TMBIM1: variants seen among roughly 807,000 people sequenced by gnomAD.
The protein encoded by TMBIM1 is transmembrane BAX inhibitor motif containing 1.
Under a neutral mutation model 45.1 loss-of-function variants are expected in TMBIM1, and 34 were observed. That is an observed-to-expected ratio of 0.75 (90% CI 0.57 to 1.00). The LOEUF is 1.00. TMBIM1 is among the 50% of genes least tolerant of loss of function. TMBIM1 has a pLI of 0.00. For synonymous variants in TMBIM1, 157 were observed against 153.5 expected (o/e 1.02, Z -0.17); for missense variants, 374 against 402.4 (o/e 0.93, Z 0.60).
intron 10 of TMBIM1, among the ~76,000 whole-genome samples, chr2:218,276,575 C>T (rs761656578): frequency 2.0e-4 from 31 of 152,210 alleles, no homozygotes; most frequent in Non-Finnish European, 3.8e-4. Context: ...CTCGTGTCCC[C>T]ATCCTTCCCC....
Position 218,277,084 on chromosome 2 carries a change from A to G in TMBIM1, c.655T>C (p.Cys219Arg). The G allele has an allele frequency of 6.2e-7, 1 of 1,614,196 alleles. No individual in the cohort carries two copies. The highest frequency in any genetic ancestry group is 8.5e-7 in the Non-Finnish European group (1 of 1,180,020). ...CFQTKVDFTS[C>R]TGLFCVLGIV... ...CCCAGGACACAGAAGAGGCCTGTGC[A>G]CGAGGTGAAGTCCACCTGCCAGGAA... Residue 219 changes from cysteine to arginine, a missense_variant, in exon 10 of 12, where the codon TGC becomes CGC. Coordinates refer to ENST00000258412, the MANE Select transcript of TMBIM1 (RefSeq NM_022152.6).
At position 218,275,609 on chromosome 2, in the gene TMBIM1, C is replaced by G; in HGVS notation, c.802G>C (p.Asp268His). The change falls in exon 12 of 12, where the codon GAC becomes CAC. Residue 268 changes from aspartate to histidine, a missense_variant. By Grantham distance (81) the Asp-to-His change is moderately conservative. Coordinates refer to ENST00000258412, the MANE Select transcript of TMBIM1 (RefSeq NM_022152.6). Reference sequence around the variant, plus strand: ...CGGTTCCCCAGGACCAGCTGTGTGTCGTAAGCCAGGAACTGCAAGGATAGG... The same window carrying G: ...CGGTTCCCCAGGACCAGCTGTGTGTGGTAAGCCAGGAACTGCAAGGATAGG... ...AICFTLFLAY[D>H]TQLVLGNRKH... 2 of 1,611,968 alleles carry G rather than the reference C, an allele frequency of 1.2e-6. No homozygotes were observed. The highest frequency in any genetic ancestry group is 1.7e-6 in the Non-Finnish European group (2 of 1,179,246).
At chr2:218,282,208 CGT>C (rs1692094878) in intron 1 of TMBIM1, 27 bp from the exon 2 acceptor site, 1 of 1,296,552 alleles carries the variant, frequency 7.7e-7, no homozygotes, top group East Asian at 2.9e-5. Flanking sequence ...GAAAAGCAAT[CGT>C]GAATGCCCAG....
intron 1 of TMBIM1, among the ~76,000 whole-genome samples, chr2:218,283,740 G>C (rs548273737): frequency 3.9e-5 from 6 of 152,204 alleles, no homozygotes; most frequent in Non-Finnish European, 8.8e-5. Context: ...TCAGAGAGGG[G>C]AAGGTGGCAG....
chr2:218,284,838 C>G (rs1256518274), intron 1 of TMBIM1, among the ~76,000 whole-genome samples: 1 of 152,244 alleles, frequency 6.6e-6, no homozygotes, highest in Non-Finnish European at 1.5e-5. Context: ...CGCCTGTAAT[C>G]TCAACACTTT....
rs143173370 is a variant in TMBIM1, at chr2:218,275,482, C to T, written c.929G>A (p.Arg310His). 23 of 1,612,340 alleles carry T rather than the reference C, an allele frequency of 1.4e-5. No homozygotes were observed. In the East Asian group the frequency reaches 3.8e-4, roughly 27 times the overall value. ...FTFVLQLMGD[R>H]N ...AAAATGGGGGCTTGCTCCTTAATTG[C>T]GATCCCCCATCAGCTGCAGCACAAA... The change falls in exon 12 of 12, where the codon CGC becomes CAC. Residue 310 changes from arginine (R) to histidine (H), a missense_variant. By Grantham distance (29) the Arg-to-His change is conservative. Coordinates refer to ENST00000258412, the MANE Select transcript of TMBIM1 (RefSeq NM_022152.6).
chr2:218,284,562 T>C (rs11687568), intron 1 of TMBIM1, among the ~76,000 whole-genome samples: 148,907 of 152,366 alleles, frequency 0.98, 72,832 homozygotes, highest in East Asian at 1. Flanking sequence ...CTCCTGCCTC[T>C]CTTGCCCCTC....
At position 218,277,623 on chromosome 2, in the gene TMBIM1, C is replaced by G. The variant is rs1202641312; in HGVS notation, c.551+10G>C. 6.2e-7 allele frequency: 1 copy of G among 1,614,186 alleles called. No homozygotes were observed. The highest frequency in any genetic ancestry group is 1.1e-5 in the South Asian group (1 of 91,080). On this transcript the variant is annotated intron_variant, in intron 8 of 11. Coordinates refer to ENST00000258412, the MANE Select transcript of TMBIM1 (RefSeq NM_022152.6). ...ATTTCCCAAGAGTGGTGCTTTATCCCTGAATGTACCTGGAAATGGTGCCCG... is the reference window on the plus strand; with the variant it reads ...ATTTCCCAAGAGTGGTGCTTTATCCGTGAATGTACCTGGAAATGGTGCCCG...
At chr2:218,278,296 A>G (rs1233270122) in intron 6 of TMBIM1, 1 of 614,420 alleles carries the variant, frequency 1.6e-6, no homozygotes, top group African/African-American at 1.8e-5. Flanking sequence ...CTAAAATGCT[A>G]CCTGTCTTGC....
chr2:218,288,206 A>G (rs1692671584), intron 1 of TMBIM1, among the ~76,000 whole-genome samples: 1 of 152,096 alleles, frequency 6.6e-6, no homozygotes, highest in South Asian at 2.1e-4. Flanking sequence ...AGGCGGGCGG[A>G]TCACGAGGTC....
At chr2:218,276,922 T>C (rs955983466) in intron 10 of TMBIM1, 82 bp downstream of exon 10, 15 of 1,204,224 alleles carry the variant, frequency 1.2e-5, no homozygotes, top group African/African-American at 1.5e-5. Flanking sequence ...CCGGGGACCT[T>C]TGGGGCCTGC....
chr2:218,289,369 C>T (rs948637950), intron 1 of TMBIM1, among the ~76,000 whole-genome samples: 1 of 152,078 alleles, frequency 6.6e-6, no homozygotes, highest in East Asian at 1.9e-4. Flanking sequence ...TGGCCAGGCG[C>T]GGTGGCTCAT....
In TMBIM1 at chr2:218,282,024, G is replaced by A. The variant is rs767604877; in HGVS notation, c.118C>T (p.Pro40Ser). Residue 40 changes from proline to serine, a missense_variant, in exon 2 of 12, where the codon CCT (proline) becomes TCT (serine). By Grantham distance (74) the Pro-to-Ser change is moderately conservative (BLOSUM62 -1). Coordinates refer to ENST00000258412, the MANE Select transcript of TMBIM1 (RefSeq NM_022152.6). ...SVLPGGYPAY[P>S]GYPQPGYGHP... ...CCGTAGCCAGGCTGCGGGTAGCCAG[G>A]GTAGGCAGGATACCCTCCTGGCAGG... The A allele has an allele frequency of 3.1e-6, 5 of 1,608,210 alleles. No individual in the cohort carries two copies. The South Asian group carries it at 3.3e-5, about 11-fold the overall frequency.
intron 11 of TMBIM1, 105 bp from the exon 12 acceptor site, chr2:218,275,726 A>T (rs1162363354): frequency 6.5e-6 from 9 of 1,375,732 alleles, no homozygotes; most frequent in Non-Finnish European, 5.9e-6. Flanking sequence ...CACAGTGCTT[A>T]GGGCCACATT....
chr2:218,275,364 T>C lies in TMBIM1; in HGVS notation c.*111A>G. On this transcript the variant is annotated 3_prime_UTR_variant, in exon 12 of 12. Transcript: ENST00000258412. ...TCCAGGACAGAAAGGAAACTGGGCA[T>C]GTTACTCAAGGGGAAGGAAAGGGGC... 7.1e-7 allele frequency: 1 copy of C among 1,407,846 alleles called. No homozygotes were observed. 87.2% of individuals were successfully genotyped at this position (1,407,846 alleles called of 1,614,324 possible).
At chr2:218,289,141 A>C (rs1692750200) in intron 1 of TMBIM1, among the ~76,000 whole-genome samples, 1 of 152,256 alleles carries the variant, frequency 6.6e-6, no homozygotes, top group Non-Finnish European at 1.5e-5. Context: ...GGGCCAAGGC[A>C]GTAAAGATCA....
intron 1 of TMBIM1, among the ~76,000 whole-genome samples, chr2:218,289,573 T>A (rs1238693030): frequency 1.5e-5 from 2 of 134,586 alleles, no homozygotes; most frequent in Non-Finnish European, 3.0e-5. Context: ...ACCCAGGAGA[T>A]GTAGGTTGCA....
In TMBIM1 at chr2:218,277,621, C is replaced by T. The variant is rs765945225; in HGVS notation, c.551+12G>A. 1.2e-6 allele frequency: 2 copies of T among 1,614,194 alleles called. No individual in the cohort carries two copies. Among genetic ancestry groups the T allele is most frequent in the Non-Finnish European group, 1.7e-6 (2 of 1,180,016 alleles). On this transcript the variant is annotated intron_variant, in intron 8 of 11. Transcript: ENST00000258412. ...ACATTTCCCAAGAGTGGTGCTTTAT[C>T]CCTGAATGTACCTGGAAATGGTGCC...
At chr2:218,289,440 G>A (rs901192715) in intron 1 of TMBIM1, among the ~76,000 whole-genome samples, 1 of 151,938 alleles carries the variant, frequency 6.6e-6, no homozygotes, top group Non-Finnish European at 1.5e-5. Context: ...TCAGGTGTTC[G>A]AGACCAGCCT....
Sources: allele counts gnomAD v4.1 joint callset (sites outside exome capture counted in the v4.1 genomes callset), GRCh38; gene constraint gnomAD v4.1.1; transcripts MANE v1.5; gene names NCBI Gene and HGNC (gene_info 2026-07-23, HGNC 2026-07-21).